The following EPM2A variants were observed in gnomAD, a reference collection of about 807,000 sequenced individuals.
EPM2A encodes the protein EPM2A glucan phosphatase, laforin, also known as laforin.
A neutral mutation model predicts 26.5 loss-of-function variants in EPM2A; 21 were observed. The observed-to-expected ratio is 0.79, with a 90% CI of 0.56 to 1.14. EPM2A has a LOEUF of 1.14. Ranked by LOEUF, EPM2A falls within the 50% of genes most tolerant of loss-of-function variation. The pLI, the probability that EPM2A is intolerant of heterozygous loss-of-function variation, is 0.00. For synonymous variants in EPM2A, 217 were observed against 177.6 expected, an observed-to-expected ratio of 1.22 and a Z score of -1.76; for missense variants, 458 against 440.8, an observed-to-expected ratio of 1.04 and a Z score of -0.35.
intron 2 of EPM2A, among the ~76,000 whole-genome samples, chr6:145,507,213 C>A (rs770905822): frequency 4.6e-4 from 70 of 152,278 alleles, no homozygotes; most frequent in Non-Finnish European, 8.2e-4. Flanking sequence ...AAAACCTTTT[C>A]TTTTCCCAAG....
intron 2 of EPM2A, 118 bp from the exon 3 acceptor site, chr6:145,635,604 G>T: frequency 1.0e-6 from 1 of 1,005,010 alleles, no homozygotes; most frequent in Non-Finnish European, 1.6e-6. Flanking sequence ...CACAGGAAAA[G>T]CTAGATATTT....
At chr6:145,456,188 T>C (rs73781811) in intron 4 of EPM2A, among the ~76,000 whole-genome samples, 2,766 of 152,306 alleles carry the variant, frequency 0.018, 86 homozygotes, top group African/African-American at 0.062. Flanking sequence ...GTGAATTTAC[T>C]GCTATGATAG....
chr6:145,484,687 T>A (rs1779651534), intron 4 of EPM2A, among the ~76,000 whole-genome samples: 1 of 151,996 alleles, frequency 6.6e-6, no homozygotes, highest in Admixed American at 6.6e-5. Flanking sequence ...AAAACAAATA[T>A]GCGAAAACAA....
At chr6:145,547,272 G>C (rs1283797769) in intron 2 of EPM2A, among the ~76,000 whole-genome samples, 3 of 152,042 alleles carry the variant, frequency 2.0e-5, no homozygotes, top group Admixed American at 6.6e-5. Flanking sequence ...CAGATGTACT[G>C]TACCCACTCC....
At chr6:145,610,070 C>T (rs543185380) in intron 2 of EPM2A, among the ~76,000 whole-genome samples, 5 of 152,166 alleles carry the variant, frequency 3.3e-5, no homozygotes, top group East Asian at 3.9e-4. Flanking sequence ...CAAAAATTAG[C>T]GGGGCCTGGT....
At chr6:145,543,614 T>A (rs539865934) in intron 2 of EPM2A, among the ~76,000 whole-genome samples, 1 of 152,326 alleles carries the variant, frequency 6.6e-6, no homozygotes, top group African/African-American at 2.4e-5. Context: ...AGTATTTGTT[T>A]TATATTTAGT....
chr6:145,505,182 A>G (rs1779953590), intron 2 of EPM2A, among the ~76,000 whole-genome samples: 1 of 150,364 alleles, frequency 6.7e-6, no homozygotes, highest in Non-Finnish European at 1.5e-5. Flanking sequence ...CCAGCATGGC[A>G]CATGTATACA....
intron 1 of EPM2A, among the ~76,000 whole-genome samples, chr6:145,732,346 G>C (rs1475535656): frequency 6.6e-6 from 1 of 150,992 alleles, no homozygotes; most frequent in African/African-American, 2.4e-5. Context: ...AACTTTCTAT[G>C]TAACAGAAAG....
intron 2 of EPM2A, among the ~76,000 whole-genome samples, chr6:145,579,853 A>C (rs891812194): frequency 6.6e-6 from 1 of 151,972 alleles, no homozygotes; most frequent in Non-Finnish European, 1.5e-5. Flanking sequence ...CTAATTCTGT[A>C]CTGTTATTTT....
At chr6:145,732,201 T>TTGTG (rs66889564) in intron 1 of EPM2A, among the ~76,000 whole-genome samples, 2,630 of 138,430 alleles carry the variant, frequency 0.019, 91 homozygotes, top group African/African-American at 0.065. Context: ...CAGCTAAGAC[T>TTGTG]TGTGTGTGTG....
chr6:145,659,909 A>AT (rs1778563959), intron 2 of EPM2A, among the ~76,000 whole-genome samples: 1 of 151,958 alleles, frequency 6.6e-6, no homozygotes, highest in South Asian at 2.1e-4. Context: ...TCTATACTTC[A>AT]TTTTGCTTTT....
intron 2 of EPM2A, among the ~76,000 whole-genome samples, chr6:145,680,873 G>A (rs994048679): frequency 2.4e-4 from 36 of 152,006 alleles, no homozygotes; most frequent in African/African-American, 8.4e-4. Flanking sequence ...TGTCTTTATA[G>A]CAGCATGATT....
intron 2 of EPM2A, among the ~76,000 whole-genome samples, chr6:145,655,712 A>C (rs1167626726): frequency 2.0e-5 from 3 of 152,184 alleles, no homozygotes; most frequent in Non-Finnish European, 4.4e-5. Context: ...ATAGATAAAA[A>C]TATTTTGTGT....
At chr6:145,542,737 T>C (rs968790412) in intron 2 of EPM2A, among the ~76,000 whole-genome samples, 1 of 152,148 alleles carries the variant, frequency 6.6e-6, no homozygotes, top group Non-Finnish European at 1.5e-5. Context: ...TGCTTCCTTC[T>C]GTTTTTTTCT....
chr6:145,734,997 C>T (rs1186526599), intron 1 of EPM2A: 8 of 360,980 alleles, frequency 2.2e-5, no homozygotes, highest in Non-Finnish European at 3.9e-5. Flanking sequence ...AGTAGGAAGC[C>T]GGAGGCGCGG....
intron 4 of EPM2A, among the ~76,000 whole-genome samples, chr6:145,419,069 G>A (rs374718773): frequency 3.3e-5 from 5 of 152,054 alleles, no homozygotes; most frequent in East Asian, 3.9e-4. Context: ...TTGTTCCCAC[G>A]TGACTTTACC....
intron 4 of EPM2A, among the ~76,000 whole-genome samples, chr6:145,448,672 A>G (rs1246199449): frequency 6.6e-6 from 1 of 152,208 alleles, no homozygotes; most frequent in African/African-American, 2.4e-5. Flanking sequence ...CCATAAGCCA[A>G]CTTCTCTATC....
At chr6:145,421,604 A>C (rs1778784170) in intron 4 of EPM2A, among the ~76,000 whole-genome samples, 1 of 151,974 alleles carries the variant, frequency 6.6e-6, no homozygotes, top group South Asian at 2.1e-4. Context: ...TAAGAGGTTA[A>C]AAAAAAGCAG....
At chr6:145,681,972 T>G (rs1259807817) in intron 2 of EPM2A, among the ~76,000 whole-genome samples, 1 of 152,138 alleles carries the variant, frequency 6.6e-6, no homozygotes, top group African/African-American at 2.4e-5. Context: ...TGGAGAAAAT[T>G]AGGTGGCTAC....
Sources: gnomAD v4.1 joint callset for allele counts (sites outside exome capture counted in the v4.1 genomes callset) on GRCh38, gnomAD v4.1.1 for gene constraint, MANE v1.5 for transcripts, NCBI Gene and HGNC (gene_info 2026-07-23, HGNC 2026-07-21) for gene names.